Variants in NRG1 observed in about 807,000 individuals in gnomAD.
The protein encoded by NRG1 is pro-neuregulin-1, membrane-bound isoform.
NRG1 carries 18 observed loss-of-function variants against 63.8 expected under a neutral mutation model. The observed-to-expected ratio is 0.28, with a 90% CI of 0.19 to 0.42. NRG1 has a LOEUF of 0.42. NRG1 is among the 10% of genes least tolerant of loss of function. The pLI is 1.00. For synonymous variants in NRG1, 302 were observed against 301.3 expected (o/e 1.00, Z -0.02); for missense variants, 762 against 814.7 (o/e 0.94, Z 0.79).
intron 1 of NRG1, among the ~76,000 whole-genome samples, chr8:32,131,690 G>A (rs1485419268): frequency 6.6e-6 from 1 of 151,962 alleles, no homozygotes; most frequent in African/African-American, 2.4e-5. Context: ...TAATGCCTTT[G>A]TGGTTATTAT....
chr8:32,175,922 G>C (rs530323170), intron 1 of NRG1, among the ~76,000 whole-genome samples: 1 of 152,270 alleles, frequency 6.6e-6, no homozygotes, highest in African/African-American at 2.4e-5. Context: ...GTAATTTATA[G>C]ATTCAATGCC....
At chr8:32,249,216 T>C (rs890998282) in intron 1 of NRG1, among the ~76,000 whole-genome samples, 1 of 152,062 alleles carries the variant, frequency 6.6e-6, no homozygotes, top group Non-Finnish European at 1.5e-5. Context: ...GTAGCTAAGG[T>C]TGCAACTTCC....
chr8:32,216,171 TAC>T (rs1200677186), intron 1 of NRG1, among the ~76,000 whole-genome samples: 2 of 150,366 alleles, frequency 1.3e-5, no homozygotes, highest in Non-Finnish European at 3.0e-5. Flanking sequence ...AATTATCGTA[TAC>T]AGTTATACAT....
intron 1 of NRG1, among the ~76,000 whole-genome samples, chr8:32,224,896 A>G (rs1019222279): frequency 1.3e-5 from 2 of 152,220 alleles, no homozygotes; most frequent in Non-Finnish European, 2.9e-5. Context: ...AAGATTTTCA[A>G]TGTGCCAGGC....
At chr8:32,764,585 C>T (rs1831272192) in exon 12 of NRG1, 2 of 509,308 alleles carry the variant, frequency 3.9e-6, no homozygotes, top group Non-Finnish European at 3.2e-6. Context: ...CAATTTTTTA[C>T]AGTATTTCAA....
At chr8:31,840,261 A>G (rs569442527) in intron 1 of NRG1, among the ~76,000 whole-genome samples, 15 of 151,828 alleles carry the variant, frequency 9.9e-5, no homozygotes, top group African/African-American at 3.4e-4. Context: ...TCCAGCAGAT[A>G]TATCAGTGGA....
At chr8:32,025,495 A>C (rs769103096) in intron 1 of NRG1, among the ~76,000 whole-genome samples, 3 of 152,364 alleles carry the variant, frequency 2.0e-5, no homozygotes, top group South Asian at 4.1e-4. Flanking sequence ...GAAGGTTAAA[A>C]CTGAAATTTT....
intron 1 of NRG1, among the ~76,000 whole-genome samples, chr8:32,384,440 G>A (rs73250431): frequency 0.1 from 15,193 of 152,198 alleles, 1,042 homozygotes; most frequent in Non-Finnish European, 0.15. Flanking sequence ...TCTCCTGGTG[G>A]GACTAATGCA....
intron 1 of NRG1, among the ~76,000 whole-genome samples, chr8:32,250,001 T>C (rs568592718): frequency 2.2e-4 from 34 of 152,008 alleles, no homozygotes; most frequent in Non-Finnish European, 4.4e-4. Context: ...TCTCAGAATA[T>C]GGGAAGGCAG....
chr8:31,740,446 G>A (rs1348507143), intron 1 of NRG1, among the ~76,000 whole-genome samples: 1 of 151,842 alleles, frequency 6.6e-6, no homozygotes, highest in Non-Finnish European at 1.5e-5. Context: ...TGGTCCTCAG[G>A]GCAGAGCTAA....
intron 1 of NRG1, among the ~76,000 whole-genome samples, chr8:32,444,888 G>A (rs1377770418): frequency 6.6e-6 from 1 of 152,182 alleles, no homozygotes; most frequent in Non-Finnish European, 1.5e-5. Context: ...AGTTCAAAGA[G>A]CCTCGATAGC....
intron 5 of NRG1, among the ~76,000 whole-genome samples, chr8:32,687,455 C>A (rs563809558): frequency 6.6e-6 from 1 of 152,108 alleles, no homozygotes; most frequent in African/African-American, 2.4e-5. Flanking sequence ...AACCAGAAAC[C>A]ACATATGAAA....
intron 1 of NRG1, among the ~76,000 whole-genome samples, chr8:31,779,847 C>A (rs1222959250): frequency 1.3e-5 from 2 of 152,184 alleles, no homozygotes; most frequent in African/African-American, 4.8e-5. Flanking sequence ...GATCTTTCAA[C>A]ATGCTTAAGG....
chr8:32,561,495 T>C (rs1836385333), intron 1 of NRG1, among the ~76,000 whole-genome samples: 1 of 152,098 alleles, frequency 6.6e-6, no homozygotes, highest in African/African-American at 2.4e-5. Flanking sequence ...ATTAGTATAG[T>C]ATAGTAATGA....
intron 1 of NRG1, among the ~76,000 whole-genome samples, chr8:31,679,041 G>C (rs28698563): frequency 0.47 from 70,772 of 151,418 alleles, 16,957 homozygotes; most frequent in East Asian, 0.62. Context: ...GGTAATTTTT[G>C]CTTTTTAAAA....
At chr8:32,352,948 G>GTATA (rs546280120) in intron 1 of NRG1, among the ~76,000 whole-genome samples, 3,838 of 116,424 alleles carry the variant, frequency 0.033, 70 homozygotes, top group South Asian at 0.073. Flanking sequence ...ATGTGTGTGT[G>GTATA]TATATATATA....
intron 1 of NRG1, among the ~76,000 whole-genome samples, chr8:32,073,303 G>T (rs1261293992): frequency 6.6e-6 from 1 of 152,136 alleles, no homozygotes; most frequent in Admixed American, 6.5e-5. Context: ...TTCATTTCGG[G>T]TTAATAAGGG....
chr8:32,430,880 T>C (rs1818057814), intron 1 of NRG1, among the ~76,000 whole-genome samples: 1 of 151,860 alleles, frequency 6.6e-6, no homozygotes, highest in African/African-American at 2.4e-5. Flanking sequence ...TTATTAAGCA[T>C]TGACTTTATA....
Position 32,595,825 on chromosome 8 carries a change from T to C in NRG1, c.101-3T>C, listed in dbSNP as rs1356018794. 3.7e-6 allele frequency: 6 copies of C among 1,603,422 alleles called. No individual in the cohort carries two copies. Among genetic ancestry groups the C allele is most frequent in the Non-Finnish European group, 5.1e-6 (6 of 1,177,048 alleles). ...TGTTTTTCATTCTCTTTTCTTCTTT[T>C]AGCCTTGCCTCCCCGATTGAAAGAG... is the stretch of plus-strand genomic sequence containing the variant. On this transcript the variant is annotated splice_region_variant and splice_polypyrimidine_tract_variant and intron_variant, in intron 1 of 11. Transcript: ENST00000356819.
Sources: gnomAD v4.1 joint callset for allele counts (sites outside exome capture counted in the v4.1 genomes callset) on GRCh38, gnomAD v4.1.1 for gene constraint, MANE v1.5 for transcripts, NCBI Gene and HGNC (gene_info 2026-07-23, HGNC 2026-07-21) for gene names.